The following CSMD1 variants were observed in gnomAD, a reference collection of about 807,000 sequenced individuals.
The protein encoded by CSMD1 is CUB and Sushi multiple domains 1.
In CSMD1, 213 loss-of-function variants were observed where a neutral mutation model predicts 417.5. That is an observed-to-expected ratio of 0.51 (90% CI 0.46 to 0.57). The LOEUF (loss-of-function observed/expected upper bound fraction) is 0.57. Ranked by LOEUF, CSMD1 falls within the 20% of genes least tolerant of loss-of-function variation. The pLI, the probability that CSMD1 is intolerant of heterozygous loss-of-function variation, is 0.00. For synonymous variants in CSMD1, 2,862 were observed against 1,736.8 expected (o/e 1.65, Z -16.11); for missense variants, 6,923 against 4,529.7 (o/e 1.53, Z -15.17).
intron 4 of CSMD1, among the ~76,000 whole-genome samples, chr8:4,002,328 T>C (rs551452318): frequency 5.7e-4 from 87 of 152,196 alleles, no homozygotes; most frequent in Non-Finnish European, 1.1e-3. Flanking sequence ...TAACTCTTAA[T>C]TTCTCCGCTA....
chr8:3,348,916 T>C (rs2117643562), intron 21 of CSMD1, among the ~76,000 whole-genome samples: 1 of 152,282 alleles, frequency 6.6e-6, no homozygotes, highest in East Asian at 1.9e-4. Flanking sequence ...ACAGTTTAGG[T>C]CAAGAATGCT....
chr8:4,588,797 C>T (rs1023995086), intron 2 of CSMD1, among the ~76,000 whole-genome samples: 1 of 151,736 alleles, frequency 6.6e-6, no homozygotes, highest in Non-Finnish European at 1.5e-5. Context: ...CACACACACA[C>T]ACACACACAA....
chr8:3,767,316 C>T lies in CSMD1; in HGVS notation c.819-13274G>A, dbSNP rs991398820. 9.2e-5 allele frequency among the ~76,000 whole-genome samples: 14 copies of T among 152,252 alleles called. No homozygotes were observed. In the South Asian group the frequency reaches 1.4e-3, roughly 16 times the overall value. On this transcript the variant is annotated intron_variant, in intron 5 of 69. Coordinates refer to ENST00000635120, the MANE Select transcript of CSMD1 (RefSeq NM_033225.6). ...TGCAATGGTGTGGTCATTACGAACA[C>T]GGACAGTGGAGTCATACTGACCTGG...
intron 3 of CSMD1, among the ~76,000 whole-genome samples, chr8:4,332,178 G>C (rs1224410893): frequency 1.3e-5 from 2 of 152,068 alleles, no homozygotes; most frequent in African/African-American, 4.8e-5. Context: ...CACAACTGTG[G>C]ACAGAAATAA....
intron 3 of CSMD1, among the ~76,000 whole-genome samples, chr8:4,146,746 G>T (rs1045031915): frequency 6.7e-6 from 1 of 149,100 alleles, no homozygotes; most frequent in South Asian, 2.1e-4. Flanking sequence ...AGAGGAGCTG[G>T]GACTACAGGC....
At chr8:4,167,113 A>G (rs1387311216) in intron 3 of CSMD1, among the ~76,000 whole-genome samples, 1 of 152,224 alleles carries the variant, frequency 6.6e-6, no homozygotes, top group Non-Finnish European at 1.5e-5. Context: ...TCAACTTCCC[A>G]TATAAACCCA....
chr8:3,261,922 A>G (rs1453228708), intron 26 of CSMD1, among the ~76,000 whole-genome samples: 1 of 151,896 alleles, frequency 6.6e-6, no homozygotes, highest in Non-Finnish European at 1.5e-5. Flanking sequence ...GAAATGTCCT[A>G]CTTATTGATA....
At chr8:3,970,068 A>T (rs550052007) in intron 5 of CSMD1, among the ~76,000 whole-genome samples, 5 of 152,332 alleles carry the variant, frequency 3.3e-5, no homozygotes, top group African/African-American at 9.6e-5. Flanking sequence ...TAAGTAGTCT[A>T]TGTTAGGTGC....
At chr8:4,762,814 C>T (rs556913050) in intron 1 of CSMD1, among the ~76,000 whole-genome samples, 29 of 152,256 alleles carry the variant, frequency 1.9e-4, no homozygotes, top group African/African-American at 6.7e-4. Flanking sequence ...TAAATTACAC[C>T]ATTTACTAAC....
chr8:3,305,380 A>G (rs576195376), intron 25 of CSMD1, among the ~76,000 whole-genome samples: 3 of 152,182 alleles, frequency 2.0e-5, no homozygotes, highest in Non-Finnish European at 4.4e-5. Context: ...ACCAAAACTC[A>G]TGTTGAAATT....
intron 12 of CSMD1, among the ~76,000 whole-genome samples, chr8:3,423,384 T>C (rs1041521732): frequency 1.3e-5 from 2 of 152,242 alleles, no homozygotes; most frequent in African/African-American, 2.4e-5. Flanking sequence ...TCTGTCACCA[T>C]AGCTTTCTCT....
Position 4,086,322 on chromosome 8 carries a change from C to A in CSMD1, c.416-54223G>T, listed in dbSNP as rs146073564. 5.6e-4 allele frequency among the ~76,000 whole-genome samples: 85 copies of A among 152,246 alleles called. No homozygotes were observed. The East Asian group carries it at 0.014, about 25-fold the overall frequency. On this transcript the variant is annotated intron_variant, in intron 3 of 69. Coordinates refer to ENST00000635120, the MANE Select transcript of CSMD1 (RefSeq NM_033225.6). ...CAGTCATCAGACAGAAGTTCCAAAGCCTTTTTCATTAAGCACTAATTCTTT... is the reference window on the plus strand; with the variant it reads ...CAGTCATCAGACAGAAGTTCCAAAGACTTTTTCATTAAGCACTAATTCTTT...
chr8:4,297,132 T>A (rs901953753), intron 3 of CSMD1, among the ~76,000 whole-genome samples: 1 of 152,082 alleles, frequency 6.6e-6, no homozygotes, highest in Non-Finnish European at 1.5e-5. Flanking sequence ...TAATCTTAAT[T>A]GGCATAAAAA....
intron 2 of CSMD1, among the ~76,000 whole-genome samples, chr8:4,504,290 A>G (rs1444296158): frequency 6.6e-6 from 1 of 152,188 alleles, no homozygotes; most frequent in African/African-American, 2.4e-5. Context: ...AGAAGCAGAG[A>G]AAAGAATGGA....
chr8:3,526,420 A>T (rs1797756770), intron 10 of CSMD1, among the ~76,000 whole-genome samples: 1 of 152,132 alleles, frequency 6.6e-6, no homozygotes, highest in African/African-American at 2.4e-5. Context: ...TAAGTGGCCT[A>T]AAGTTAGTAT....
At chr8:3,845,942 C>T (rs1585082305) in intron 5 of CSMD1, among the ~76,000 whole-genome samples, 1 of 152,172 alleles carries the variant, frequency 6.6e-6, no homozygotes, top group South Asian at 2.1e-4. Context: ...CCTTCACATC[C>T]TGTCCCACTG....
intron 52 of CSMD1, among the ~76,000 whole-genome samples, chr8:3,008,994 G>C (rs921236017): frequency 2.6e-5 from 4 of 152,196 alleles, no homozygotes; most frequent in African/African-American, 7.2e-5. Context: ...TCCCTGATTT[G>C]GAAATGTAAT....
At chr8:4,105,413 G>A (rs1466901923) in intron 3 of CSMD1, among the ~76,000 whole-genome samples, 3 of 152,068 alleles carry the variant, frequency 2.0e-5, no homozygotes, top group Non-Finnish European at 4.4e-5. Context: ...GTATTTTTAG[G>A]AAAGAGCATG....
intron 24 of CSMD1, 69 bp from the exon 25 acceptor site, chr8:3,307,890 C>A (rs1805006123): frequency 3.2e-6 from 5 of 1,549,824 alleles, no homozygotes; most frequent in Non-Finnish European, 4.4e-6. Flanking sequence ...AGCTACTTTT[C>A]AAAACCAAAG....
Sources: gnomAD v4.1 joint callset for allele counts (sites outside exome capture counted in the v4.1 genomes callset) on GRCh38, gnomAD v4.1.1 for gene constraint, MANE v1.5 for transcripts, NCBI Gene and HGNC (gene_info 2026-07-23, HGNC 2026-07-21) for gene names.